The following PPDPFL variants were observed in gnomAD, a reference collection of about 807,000 sequenced individuals.
PPDPFL encodes the protein pancreatic progenitor cell differentiation and proliferation factor-like protein.
Under a neutral mutation model 12.6 loss-of-function variants are expected in PPDPFL, and 12 were observed. That is an observed-to-expected ratio of 0.95 (90% CI 0.61 to 1.54). The LOEUF (loss-of-function observed/expected upper bound fraction) is 1.54. PPDPFL is among the 40% of genes most tolerant of loss of function. PPDPFL has a pLI of 0.00. For missense variants in PPDPFL, 114 were observed against 96.0 expected (o/e 1.19, Z -0.78); for synonymous variants, 24 against 32.7 (o/e 0.73, Z 0.91).
At chr8:49,062,701 T>TAGC (rs1244327140) in intron 1 of PPDPFL, among the ~76,000 whole-genome samples, 2 of 152,134 alleles carry the variant, frequency 1.3e-5, no homozygotes, top group Non-Finnish European at 2.9e-5. Flanking sequence ...AAGGTCAGAA[T>TAGC]AGCAGCACAG....
chr8:49,058,178 A>G (rs931807452), intron 1 of PPDPFL, among the ~76,000 whole-genome samples: 6 of 152,206 alleles, frequency 3.9e-5, no homozygotes, highest in Non-Finnish European at 5.9e-5. Flanking sequence ...GCAAAGTTAG[A>G]CCTGTAACCT....
intron 1 of PPDPFL, among the ~76,000 whole-genome samples, chr8:49,057,797 A>G (rs1808135093): frequency 6.6e-6 from 1 of 152,200 alleles, no homozygotes; most frequent in Non-Finnish European, 1.5e-5. Context: ...TTTTGCTAAA[A>G]ATGGCTGAAC....
At chr8:49,071,692 G>A (rs892788375), upstream of PPDPFL, among the ~76,000 whole-genome samples, 1 of 151,920 alleles carries the variant, frequency 6.6e-6, no homozygotes, top group Non-Finnish European at 1.5e-5. Context: ...CAATCTATCC[G>A]AGAAATTTGT....
chr8:49,055,428 C>T (rs1179754617), intron 1 of PPDPFL, among the ~76,000 whole-genome samples: 2 of 152,142 alleles, frequency 1.3e-5, no homozygotes, highest in Non-Finnish European at 2.9e-5. Flanking sequence ...TGTGCTGGCT[C>T]TCATTCTTCT....
upstream of PPDPFL, among the ~76,000 whole-genome samples, chr8:49,070,597 A>G (rs1808363070): frequency 6.6e-6 from 1 of 152,220 alleles, no homozygotes. Flanking sequence ...TCTTTGAAAA[A>G]ATTGGCTTTA....
intron 1 of PPDPFL, among the ~76,000 whole-genome samples, chr8:49,060,005 G>A (rs1375139958): frequency 6.6e-6 from 1 of 152,150 alleles, no homozygotes; most frequent in Non-Finnish European, 1.5e-5. Flanking sequence ...TCAACTGAAA[G>A]TTTAGCAGGG....
At chr8:49,065,860 A>G (rs1808290865) in intron 1 of PPDPFL, among the ~76,000 whole-genome samples, 1 of 152,236 alleles carries the variant, frequency 6.6e-6, no homozygotes, top group Non-Finnish European at 1.5e-5. Context: ...GCCACTCCCT[A>G]TTGACGTCCG....
intron 1 of PPDPFL, among the ~76,000 whole-genome samples, chr8:49,066,080 C>T (rs1808295638): frequency 1.3e-5 from 2 of 152,222 alleles, no homozygotes; most frequent in South Asian, 4.1e-4. Flanking sequence ...GGCTTGGTCT[C>T]TAAGGAGATG....
intron 1 of PPDPFL, among the ~76,000 whole-genome samples, chr8:49,062,662 A>G (rs1020524410): frequency 3.3e-5 from 5 of 152,188 alleles, no homozygotes; most frequent in African/African-American, 1.2e-4. Context: ...AATCATCAGA[A>G]GCTGGTGAGT....
At chr8:49,062,039 A>T (rs973400287) in intron 1 of PPDPFL, among the ~76,000 whole-genome samples, 3 of 152,246 alleles carry the variant, frequency 2.0e-5, no homozygotes, top group Non-Finnish European at 2.9e-5. Context: ...CTATGTTCTA[A>T]CCTGCCCATT....
chr8:49,070,887 T>A (rs948831720), upstream of PPDPFL, among the ~76,000 whole-genome samples: 3 of 152,162 alleles, frequency 2.0e-5, no homozygotes, highest in African/African-American at 7.2e-5. Flanking sequence ...TGTGTGTGTG[T>A]TAAGAGCACC....
intron 4 of PPDPFL, 168 bp downstream of exon 4, chr8:49,074,501 T>C (rs1363352282): frequency 2.0e-6 from 3 of 1,538,036 alleles, no homozygotes; most frequent in African/African-American, 2.7e-5. Flanking sequence ...CAGAGCTCCC[T>C]CCTTGCAGGT....
intron 1 of PPDPFL, among the ~76,000 whole-genome samples, chr8:49,054,776 A>G (rs1808087525): frequency 6.6e-6 from 1 of 152,152 alleles, no homozygotes; most frequent in Non-Finnish European, 1.5e-5. Flanking sequence ...GCCAGGTTTA[A>G]AAAGTTTGGG....
At chr8:49,059,591 CACTT>C (rs977923029) in intron 1 of PPDPFL, among the ~76,000 whole-genome samples, 2 of 152,164 alleles carry the variant, frequency 1.3e-5, no homozygotes, top group Non-Finnish European at 2.9e-5. Context: ...GTTATGCAAA[CACTT>C]ACTCTGTAAT....
chr8:49,064,950 A>G (rs1808270925), intron 1 of PPDPFL, among the ~76,000 whole-genome samples: 3 of 152,216 alleles, frequency 2.0e-5, no homozygotes, highest in African/African-American at 4.8e-5. Flanking sequence ...CTGCTAGACA[A>G]TAAAGGGTGT....
Position 49,075,391 on chromosome 8 carries a change from C to A in PPDPFL, c.*218C>A. ...TCTCATTTATGAGACAAGATCACAG[C>A]AGCCACTGATATAAAAAAAGTTTAG... is the stretch of plus-strand genomic sequence containing the variant. On this transcript the variant is annotated 3_prime_UTR_variant, in exon 5 of 5. Transcript: ENST00000522267. 2.1e-6 allele frequency: 2 copies of A among 963,072 alleles called. No individual in the cohort carries two copies. The highest frequency in any genetic ancestry group is 3.3e-6 in the Non-Finnish European group (2 of 607,946). 59.7% of individuals were successfully genotyped at this position (963,072 alleles called of 1,614,324 possible). A position where few individuals can be genotyped will look rare whatever the true frequency, so the allele number is the denominator to read the frequency against.
chr8:49,056,487 C>T (rs1808114270), intron 1 of PPDPFL, among the ~76,000 whole-genome samples: 1 of 152,140 alleles, frequency 6.6e-6, no homozygotes, highest in African/African-American at 2.4e-5. Context: ...TATTAGATTA[C>T]TTGAGTTCAA....
chr8:49,066,089 T>C (rs1808295737), intron 1 of PPDPFL, among the ~76,000 whole-genome samples: 1 of 152,354 alleles, frequency 6.6e-6, no homozygotes, highest in African/African-American at 2.4e-5. Context: ...TCTAAGGAGA[T>C]GATCTTGAAG....
intron 1 of PPDPFL, among the ~76,000 whole-genome samples, chr8:49,065,837 C>T (rs1029965492): frequency 3.3e-5 from 5 of 152,154 alleles, no homozygotes; most frequent in African/African-American, 1.2e-4. Context: ...TTTGGGGGAA[C>T]CTAACACTCT....
Sources: gnomAD v4.1 joint callset for allele counts (sites outside exome capture counted in the v4.1 genomes callset) on GRCh38, gnomAD v4.1.1 for gene constraint, MANE v1.5 for transcripts, NCBI Gene and HGNC (gene_info 2026-07-23, HGNC 2026-07-21) for gene names.